Variants in PIK3R6 observed in about 807,000 individuals in gnomAD.
PIK3R6 encodes the protein phosphoinositide 3-kinase regulatory subunit 6.
A neutral mutation model predicts 84.9 loss-of-function variants in PIK3R6; 91 were observed. The observed-to-expected ratio is 1.07, with a 90% CI of 0.90 to 1.28. PIK3R6 has a LOEUF of 1.28. Ranked by LOEUF, PIK3R6 falls within the 50% of genes most tolerant of loss-of-function variation. The pLI is 0.00. For missense variants in PIK3R6, 996 were observed against 985.1 expected (o/e 1.01, Z -0.15); for synonymous variants, 416 against 411.4 (o/e 1.01, Z -0.13).
chr17:8,817,006 C>T (rs890248018), intron 18 of PIK3R6, among the ~76,000 whole-genome samples: 11 of 152,176 alleles, frequency 7.2e-5, no homozygotes, highest in African/African-American at 2.4e-4. Context: ...ACTTAAATGT[C>T]GTCTTAGAAT....
At chr17:8,826,404 A>T (rs2087918668) in intron 13 of PIK3R6, among the ~76,000 whole-genome samples, 1 of 152,214 alleles carries the variant, frequency 6.6e-6, no homozygotes, top group Non-Finnish European at 1.5e-5. Context: ...TAGACAGGAC[A>T]AAGAAATTGT....
chr17:8,806,692 C>G (rs75451817), intron 18 of PIK3R6, among the ~76,000 whole-genome samples: 2,227 of 152,246 alleles, frequency 0.015, 57 homozygotes, highest in African/African-American at 0.048. Flanking sequence ...AACAACATAC[C>G]CCAAAGCCCC....
intron 10 of PIK3R6, among the ~76,000 whole-genome samples, chr17:8,829,299 C>CAGAG (rs10665291): frequency 6.7e-6 from 1 of 148,234 alleles, no homozygotes; most frequent in African/African-American, 2.5e-5. Context: ...CATGCATACA[C>CAGAG]ACACACTGAC....
intron 1 of PIK3R6, among the ~76,000 whole-genome samples, chr17:8,863,693 C>T (rs1052666877): frequency 6.6e-6 from 1 of 152,306 alleles, no homozygotes; most frequent in Admixed American, 6.5e-5. Flanking sequence ...CACCACCACG[C>T]CCAGCTAATT....
chr17:8,857,691 G>C (rs191699882), intron 1 of PIK3R6, among the ~76,000 whole-genome samples: 2 of 152,258 alleles, frequency 1.3e-5, no homozygotes, highest in East Asian at 3.9e-4. Flanking sequence ...CACAAGATCA[G>C]GGATCGAGAC....
chr17:8,838,825 A>C (rs1488265433), intron 3 of PIK3R6, among the ~76,000 whole-genome samples, 170 bp from the exon 4 acceptor site: 2 of 152,170 alleles, frequency 1.3e-5, no homozygotes, highest in African/African-American at 4.8e-5. Context: ...GCTCCTCCCA[A>C]GTGGGGAGTT....
intron 18 of PIK3R6, among the ~76,000 whole-genome samples, chr17:8,805,538 C>T (rs570208056): frequency 1.3e-5 from 2 of 152,288 alleles, no homozygotes; most frequent in Admixed American, 6.5e-5. Flanking sequence ...ACAGATTTAA[C>T]AAAACCTCTG....
chr17:8,829,514 G>T (rs1256252558), intron 10 of PIK3R6, among the ~76,000 whole-genome samples, 192 bp downstream of exon 10: 1 of 100,242 alleles, frequency 1.0e-5, no homozygotes, highest in Non-Finnish European at 1.9e-5. Context: ...ACACACTCAT[G>T]CATACACACA....
intron 18 of PIK3R6, among the ~76,000 whole-genome samples, chr17:8,818,785 CTGGACATAGG>C (rs1181655476): frequency 2.0e-5 from 3 of 152,172 alleles, no homozygotes; most frequent in African/African-American, 7.2e-5. Flanking sequence ...GCTGGGATGA[CTGGACATAGG>C]TGCATTTTGC....
intron 9 of PIK3R6, among the ~76,000 whole-genome samples, chr17:8,832,415 C>T (rs1169127821): frequency 7.8e-6 from 1 of 127,892 alleles, no homozygotes; most frequent in Non-Finnish European, 1.6e-5. Flanking sequence ...CGGAGTCTCG[C>T]TCTGTCGCCC....
intron 18 of PIK3R6, among the ~76,000 whole-genome samples, chr17:8,805,988 GA>G (rs57728132): frequency 1 from 152,026 of 152,028 alleles, 76,012 homozygotes; most frequent in Middle Eastern, 1. Context: ...GGCACAGTGG[GA>G]AGGTTGTGGT....
At chr17:8,835,123 C>A in intron 8 of PIK3R6, 150 bp downstream of exon 8, 1 of 888,718 alleles carries the variant, frequency 1.1e-6, no homozygotes, top group Admixed American at 3.0e-5. Context: ...TAGGTGTGAG[C>A]CACTGCGCCC....
intron 16 of PIK3R6, 36 bp downstream of exon 16, chr17:8,822,551 C>G: frequency 3.1e-6 from 5 of 1,608,440 alleles, no homozygotes; most frequent in Non-Finnish European, 4.3e-6. Flanking sequence ...AGCTGTACCT[C>G]TTGGCTACCT....
intron 18 of PIK3R6, among the ~76,000 whole-genome samples, chr17:8,814,406 G>T (rs1485074679): frequency 6.6e-6 from 1 of 151,836 alleles, no homozygotes; most frequent in African/African-American, 2.4e-5. Flanking sequence ...TTTTAGTAGA[G>T]GTGGGGTTTC....
chr17:8,822,883 G>T, intron 15 of PIK3R6, 113 bp downstream of exon 15: 3 of 1,027,864 alleles, frequency 2.9e-6, no homozygotes, highest in Non-Finnish European at 3.1e-6. Context: ...ACAGAGCAGG[G>T]ACAAGCACTG....
intron 2 of PIK3R6, 22 bp downstream of exon 2, chr17:8,849,760 C>G (rs1277962909): frequency 1.9e-6 from 3 of 1,610,520 alleles, no homozygotes; most frequent in Non-Finnish European, 2.5e-6. Flanking sequence ...TCACTAGACC[C>G]CTTTCCCCCC....
Position 8,842,473 on chromosome 17 carries a change from C to T in PIK3R6, c.14-2776G>A, listed in dbSNP as rs904616217. ...TCAGATTTGCACCAGGGTCTGACAG[C>T]TGCTCTCCCAGGTCCCTCTCCATTT... On this transcript the variant is annotated intron_variant, in intron 2 of 19. Transcript: ENST00000619866. The surrounding 1 kb of genome is among the most constrained non-coding windows in gnomAD (Gnocchi z 4.5). Among the ~76,000 whole-genome samples, 1 of 152,180 alleles carries T rather than the reference C, an allele frequency of 6.6e-6. No homozygotes were observed. Among genetic ancestry groups the T allele is most frequent in the Admixed American group, 6.5e-5 (1 of 15,272 alleles).
At chr17:8,815,925 C>G (rs1218073803) in intron 18 of PIK3R6, among the ~76,000 whole-genome samples, 2 of 152,216 alleles carry the variant, frequency 1.3e-5, no homozygotes, top group Non-Finnish European at 2.9e-5. Flanking sequence ...TCTTCGTGGT[C>G]TGGCAATTTC....
chr17:8,851,357 G>A (rs1454381603), intron 1 of PIK3R6, among the ~76,000 whole-genome samples: 3 of 152,048 alleles, frequency 2.0e-5, no homozygotes, highest in East Asian at 1.9e-4. Flanking sequence ...TTAGCCGGGC[G>A]TGGTGGTGGG....
Sources: gnomAD v4.1 joint callset for allele counts (sites outside exome capture counted in the v4.1 genomes callset) on GRCh38, gnomAD v4.1.1 for gene constraint, Gnocchi (gnomAD v3.1) non-coding constraint, MANE v1.5 for transcripts, NCBI Gene and HGNC (gene_info 2026-07-23, HGNC 2026-07-21) for gene names.